RGS6: variants seen among roughly 807,000 people sequenced by gnomAD.
RGS6 encodes regulator of G-protein signaling 6.
A neutral mutation model predicts 78.5 loss-of-function variants in RGS6; 30 were observed. The observed-to-expected ratio is 0.38, with a 90% CI of 0.29 to 0.52. The LOEUF is 0.52. RGS6 is among the 20% of genes least tolerant of loss of function. The pLI, the probability that RGS6 is intolerant of heterozygous loss-of-function variation, is 0.85. For missense variants in RGS6, 495 were observed against 609.7 expected, an observed-to-expected ratio of 0.81 and a Z score of 1.98; for synonymous variants, 206 against 206.0, an observed-to-expected ratio of 1.00 and a Z score of 0.00.
At chr14:71,966,586 A>G (rs728494) in intron 2 of RGS6, among the ~76,000 whole-genome samples, 143,047 of 152,236 alleles carry the variant, frequency 0.94, 67,304 homozygotes, top group East Asian at 0.99. Context: ...CTTTAGCAGT[A>G]TGACTGTAAG....
intron 1 of RGS6, among the ~76,000 whole-genome samples, chr14:71,951,085 C>T (rs2092267192): frequency 1.3e-5 from 2 of 152,052 alleles, no homozygotes; most frequent in South Asian, 4.1e-4. Context: ...ATAAATCATT[C>T]TGTGATAAAG....
the RGS6 span, among the ~76,000 whole-genome samples, chr14:71,873,543 C>A: frequency 3.3e-5 from 5 of 152,050 alleles, no homozygotes; most frequent in African/African-American, 7.3e-5. Context: ...TGGATATTAG[C>A]CCTTTGTCAG....
At chr14:72,125,775 G>T (rs139459101) in intron 2 of RGS6, among the ~76,000 whole-genome samples, 1 of 152,252 alleles carries the variant, frequency 6.6e-6, no homozygotes, top group East Asian at 1.9e-4. Flanking sequence ...TTGTTAGCAT[G>T]ATCTGAGGGT....
At chr14:72,098,933 C>G (rs897623752) in intron 2 of RGS6, among the ~76,000 whole-genome samples, 1 of 152,216 alleles carries the variant, frequency 6.6e-6, no homozygotes, top group African/African-American at 2.4e-5. Context: ...CAAAGAACTT[C>G]TGTGCGGATT....
chr14:72,323,800 C>CAAAA lies in RGS6; in HGVS notation c.85-28257_85-28254dup, dbSNP rs58303649. 8.4e-3 allele frequency among the ~76,000 whole-genome samples: 142 copies of CAAAA among 16,816 alleles called. 50 individuals carry two copies. The highest frequency in any genetic ancestry group is 0.012 in the Non-Finnish European group (112 of 9,414). 11.0% of individuals were successfully genotyped at this position (16,816 alleles called of 152,430 possible). A position where few individuals can be genotyped will look rare whatever the true frequency, so the allele number is the denominator to read the frequency against. Reference sequence around the variant, plus strand: ...TGGGTGACAGAGTGAGACTCCATCTCAAAAAAAAAAAAAAAAAAAAAAAAA... The same window carrying CAAAA: ...TGGGTGACAGAGTGAGACTCCATCTCAAAAAAAAAAAAAAAAAAAAAAAAAAAAA... On this transcript the variant is annotated intron_variant, in intron 2 of 17. Transcript: ENST00000553525.
chr14:72,076,731 A>G (rs574520258), intron 2 of RGS6, among the ~76,000 whole-genome samples: 3 of 152,046 alleles, frequency 2.0e-5, no homozygotes, highest in East Asian at 1.9e-4. Flanking sequence ...TGGTCTTACT[A>G]TGTTGCCCAG....
At chr14:72,240,024 A>G (rs1234297331) in intron 2 of RGS6, among the ~76,000 whole-genome samples, 2 of 152,096 alleles carry the variant, frequency 1.3e-5, no homozygotes, top group African/African-American at 4.8e-5. Flanking sequence ...CCTAACATGA[A>G]TCTACACACA....
chr14:72,495,295 G>A, intron 13 of RGS6, 33 bp downstream of exon 13: 2 of 1,292,660 alleles, frequency 1.5e-6, no homozygotes, highest in Non-Finnish European at 2.3e-6. Flanking sequence ...GGAGTGGGAT[G>A]AATGTAGACA....
At chr14:72,521,194 T>C (rs187200660) in intron 15 of RGS6, among the ~76,000 whole-genome samples, 183 of 152,368 alleles carry the variant, frequency 1.2e-3, no homozygotes, top group African/African-American at 4.3e-3. Context: ...CTCTTTTCTC[T>C]ATGCTGACAA....
At chr14:72,399,619 C>G (rs953020317) in intron 3 of RGS6, among the ~76,000 whole-genome samples, 2 of 152,112 alleles carry the variant, frequency 1.3e-5, no homozygotes, top group Admixed American at 6.6e-5. Context: ...CAGTTTCTTC[C>G]TAGCATCAAT....
intron 2 of RGS6, among the ~76,000 whole-genome samples, chr14:72,138,026 A>G (rs915617887): frequency 6.6e-6 from 1 of 152,156 alleles, no homozygotes; most frequent in Non-Finnish European, 1.5e-5. Context: ...AATACTATAC[A>G]AAAGGACGCT....
intron 3 of RGS6, among the ~76,000 whole-genome samples, chr14:72,435,040 T>C (rs965317259): frequency 6.6e-6 from 1 of 152,232 alleles, no homozygotes; most frequent in Non-Finnish European, 1.5e-5. Context: ...TGTTTGAGCC[T>C]CTAAACTTCA....
chr14:72,097,468 T>C (rs2095432338), intron 2 of RGS6, among the ~76,000 whole-genome samples: 1 of 152,234 alleles, frequency 6.6e-6, no homozygotes, highest in Non-Finnish European at 1.5e-5. Context: ...TTGCTTTTCA[T>C]CTGAATGAAT....
At chr14:72,034,494 C>T (rs1331059146) in intron 2 of RGS6, among the ~76,000 whole-genome samples, 1 of 151,774 alleles carries the variant, frequency 6.6e-6, no homozygotes, top group African/African-American at 2.4e-5. Context: ...TATGTTAAGC[C>T]ATCCTATCAT....
intron 15 of RGS6, among the ~76,000 whole-genome samples, chr14:72,522,754 A>G (rs1052471393): frequency 6.6e-6 from 1 of 152,228 alleles, no homozygotes; most frequent in African/African-American, 2.4e-5. Flanking sequence ...TCTAGATCAC[A>G]GGTCTGTATC....
chr14:72,420,420 T>A (rs1354509741), intron 3 of RGS6, among the ~76,000 whole-genome samples: 1 of 152,228 alleles, frequency 6.6e-6, no homozygotes, highest in African/African-American at 2.4e-5. Context: ...CACAGTCTCC[T>A]AAATTCTGGA....
At chr14:72,619,399 C>A in the RGS6 span, 1 of 1,532,718 alleles carries the variant, frequency 6.5e-7, no homozygotes, top group African/African-American at 1.4e-5. Context: ...TAGTAGCAGC[C>A]CCTCTGCTAA....
Position 72,563,163 on chromosome 14 carries a change from T to A in RGS6, c.*696T>A, listed in dbSNP as rs184553211. ...GGCTGCCCTCAGGTCCCGTCACATG[T>A]CTCAAGGGTCCAGCGTTCGAGGAAG... is the stretch of plus-strand genomic sequence containing the variant. On this transcript the variant is annotated 3_prime_UTR_variant, in exon 18 of 18. Transcript: ENST00000553525. 4.1e-6 allele frequency: 1 copy of A among 243,128 alleles called. No homozygotes were observed. Among genetic ancestry groups the A allele is most frequent in the African/African-American group, 2.2e-5 (1 of 45,922 alleles). 15.1% of individuals were successfully genotyped at this position (243,128 alleles called of 1,614,324 possible). A position where few individuals can be genotyped will look rare whatever the true frequency, so the allele number is the denominator to read the frequency against.
At chr14:72,015,324 A>G (rs1418569869) in intron 2 of RGS6, among the ~76,000 whole-genome samples, 2 of 152,230 alleles carry the variant, frequency 1.3e-5, no homozygotes, top group African/African-American at 2.4e-5. Context: ...GGCAGCACCA[A>G]GCCATTCATG....
Sources: gnomAD v4.1 joint callset for allele counts (sites outside exome capture counted in the v4.1 genomes callset) on GRCh38, gnomAD v4.1.1 for gene constraint, MANE v1.5 for transcripts, NCBI Gene and HGNC (gene_info 2026-07-23, HGNC 2026-07-21) for gene names.